Variants in SARDH observed in about 807,000 individuals in gnomAD.
SARDH encodes sarcosine dehydrogenase.
A neutral mutation model predicts 109.1 loss-of-function variants in SARDH; 95 were observed. That is an observed-to-expected ratio of 0.87 (90% CI 0.74 to 1.03). The LOEUF (loss-of-function observed/expected upper bound fraction) is 1.03, where lower values mean the gene tolerates loss of function less well. Among genes scored for constraint, SARDH ranks in the 50% least tolerant of loss-of-function variants. The probability of loss-of-function intolerance (pLI) is 0.00; values close to 1 mark genes in which losing one functional copy is unlikely to be tolerated. For missense variants in SARDH, 1,267 were observed against 1,287.8 expected (o/e 0.98, Z 0.25); for synonymous variants, 572 against 534.8 (o/e 1.07, Z -0.96).
chr9:133,739,091 C>A (rs1832978277), upstream of SARDH, among the ~76,000 whole-genome samples: 1 of 152,168 alleles, frequency 6.6e-6, no homozygotes, highest in Non-Finnish European at 1.5e-5. Flanking sequence ...CAAGTTACCC[C>A]TTCCCAGACA....
intron 20 of SARDH, among the ~76,000 whole-genome samples, chr9:133,665,739 C>T (rs945667665): frequency 1.3e-5 from 2 of 152,202 alleles, no homozygotes; most frequent in Admixed American, 6.5e-5. Context: ...GCGAGCTGGG[C>T]CTGCGCATGT....
chr9:133,735,263 C>T (rs1403469764), intron 1 of SARDH, among the ~76,000 whole-genome samples: 1 of 152,198 alleles, frequency 6.6e-6, no homozygotes, highest in Non-Finnish European at 1.5e-5. Flanking sequence ...GGTGTCCCGG[C>T]TCTGCTCCCT....
chr9:133,726,780 G>T (rs115536347), intron 6 of SARDH, among the ~76,000 whole-genome samples: 4 of 152,048 alleles, frequency 2.6e-5, no homozygotes. Flanking sequence ...CCTGCCCTCC[G>T]TGTTCTCTTC....
intron 11 of SARDH, among the ~76,000 whole-genome samples, chr9:133,707,721 A>C (rs1232893331): frequency 1.3e-5 from 2 of 152,096 alleles, no homozygotes; most frequent in African/African-American, 4.8e-5. Context: ...GAGAGGGGGA[A>C]GGAATGGAGA....
chr9:133,694,500 G>T, intron 14 of SARDH, 129 bp from the exon 15 acceptor site: 1 of 782,154 alleles, frequency 1.3e-6, no homozygotes, highest in Non-Finnish European at 2.2e-6. Context: ...CAGACAGGAT[G>T]CCCTACTGGG....
Position 133,704,190 on chromosome 9 carries a change from C to G in SARDH, c.1554+758G>C, listed in dbSNP as rs2131419778. Among the ~76,000 whole-genome samples, 1 of 152,270 alleles carries G rather than the reference C, an allele frequency of 6.6e-6. No individual in the cohort carries two copies. Among genetic ancestry groups the G allele is most frequent in the African/African-American group, 2.4e-5 (1 of 41,556 alleles). ...CCCGTTAGCCAGCTCTGGCTCTCATCTCCCCTCCCGATGCCCTGGAGCTCT... is the reference window on the plus strand; with the variant it reads ...CCCGTTAGCCAGCTCTGGCTCTCATGTCCCCTCCCGATGCCCTGGAGCTCT... On this transcript the variant is annotated intron_variant, in intron 12 of 20. Coordinates refer to ENST00000439388, the MANE Select transcript of SARDH (RefSeq NM_001134707.2). This position sits in a 1 kb window ranked among gnomAD's most constrained non-coding sequence, Gnocchi z 4.5.
intron 8 of SARDH, among the ~76,000 whole-genome samples, chr9:133,716,297 C>T (rs2427981): frequency 2.6e-5 from 4 of 152,114 alleles, no homozygotes; most frequent in Admixed American, 1.3e-4. Flanking sequence ...CCTCCACCAC[C>T]GACGAAGTGC....
At chr9:133,739,123 G>A (rs546082611), upstream of SARDH, among the ~76,000 whole-genome samples, 10 of 152,266 alleles carry the variant, frequency 6.6e-5, no homozygotes, top group African/African-American at 2.4e-4. Flanking sequence ...CCAGAGGAGG[G>A]GTGTGGAGGA....
At position 133,704,624 on chromosome 9, in the gene SARDH, G is replaced by T. The variant is rs1831618165; in HGVS notation, c.1554+324C>A. ...TCCATTCCTCCTGCAACCTGGGGGA[G>T]TCTTCTTGCTGTCTCCCCACCGCAG... is the stretch of plus-strand genomic sequence containing the variant. On this transcript the variant is annotated intron_variant, in intron 12 of 20. Transcript: ENST00000439388. This position sits in a 1 kb window ranked among gnomAD's most constrained non-coding sequence, Gnocchi z 4.5. Among the ~76,000 whole-genome samples the T allele has an allele frequency of 6.6e-6, 1 of 152,178 alleles. No homozygotes were observed. Among genetic ancestry groups the T allele is most frequent in the African/African-American group, 2.4e-5 (1 of 41,430 alleles).
chr9:133,698,753 C>A (rs565827503), intron 13 of SARDH, among the ~76,000 whole-genome samples: 5 of 152,068 alleles, frequency 3.3e-5, no homozygotes, highest in Admixed American at 6.5e-5. Flanking sequence ...CCCGACCTCA[C>A]GCCATGCAAA....
In SARDH at chr9:133,663,886, C is replaced by A. The variant is rs908279474; in HGVS notation, c.*3G>T. ...CATGGGATGGGGCATGTGGTCTGAG[C>A]CCTCAGTAGATTCCCTTCACCCTCT... is the stretch of plus-strand genomic sequence containing the variant. On this transcript the variant is annotated 3_prime_UTR_variant, in exon 21 of 21. Transcript: ENST00000439388. The A allele has an allele frequency of 1.2e-6, 2 of 1,613,972 alleles. No homozygotes were observed. Among genetic ancestry groups the A allele is most frequent in the Non-Finnish European group, 1.7e-6 (2 of 1,179,904 alleles).
At chr9:133,708,712 C>G (rs1442032590) in intron 10 of SARDH, among the ~76,000 whole-genome samples, 1 of 151,976 alleles carries the variant, frequency 6.6e-6, no homozygotes. Flanking sequence ...TCCAGCCTCG[C>G]TCTCCACACA....
At chr9:133,705,052 G>T (rs1481650071) in intron 11 of SARDH, 21 bp from the exon 12 acceptor site, 1 of 1,575,174 alleles carries the variant, frequency 6.3e-7, no homozygotes, top group East Asian at 2.3e-5. Context: ...GTGGGGAACA[G>T]GCATCTGTCA....
intron 8 of SARDH, among the ~76,000 whole-genome samples, chr9:133,714,328 G>A (rs1004979033): frequency 3.3e-5 from 5 of 152,204 alleles, no homozygotes; most frequent in African/African-American, 4.8e-5. Context: ...AGGGGCAGAA[G>A]GTGGCAGGGC....
In SARDH at chr9:133,712,743, C is replaced by G; in HGVS notation, c.1238-34G>C. 1 of 1,586,186 alleles carries G rather than the reference C, an allele frequency of 6.3e-7. No individual in the cohort carries two copies. Among genetic ancestry groups the G allele is most frequent in the Non-Finnish European group, 8.6e-7 (1 of 1,165,666 alleles). ...AAGAGAAGCGCAGGGCTGCGGTCTG[C>G]CCCCCAGGGTCCCCCACCCATGTCC... On this transcript the variant is annotated intron_variant, in intron 9 of 20. Coordinates refer to ENST00000439388, the MANE Select transcript of SARDH (RefSeq NM_001134707.2). The surrounding 1 kb of genome is among the most constrained non-coding windows in gnomAD (Gnocchi z 4.1).
At position 133,735,443 on chromosome 9, in the gene SARDH, C is replaced by T. The variant is rs60734798; in HGVS notation, c.-30-1240G>A. Among the ~76,000 whole-genome samples, 1,167 of 152,342 alleles carry T rather than the reference C, an allele frequency of 7.7e-3. 20 individuals are homozygous for T. The highest frequency in any genetic ancestry group is 0.026 in the African/African-American group (1,101 of 41,584). On this transcript the variant is annotated intron_variant, in intron 1 of 20. Transcript: ENST00000439388. ...AACAATGAGAATGCAAGAGGGAGCC[C>T]TCCTTCTCAGGAGAGAAGGCGCTGA... is the stretch of plus-strand genomic sequence containing the variant.
At chr9:133,721,212 G>A (rs1832314638) in intron 6 of SARDH, among the ~76,000 whole-genome samples, 1 of 152,214 alleles carries the variant, frequency 6.6e-6, no homozygotes, top group African/African-American at 2.4e-5. Flanking sequence ...ACAGAGGCCT[G>A]CACCAAGGCC....
chr9:133,708,416 G>A lies in SARDH; in HGVS notation c.1341C>T (p.His447=). The change falls in exon 11 of 21, where the codon CAC becomes CAT. Residue 447 remains histidine (H), a synonymous_variant. Transcript: ENST00000439388. ...TCCAGCGGGGGTGGTCCGTGAGCGA[G>A]TGATGGAAGCGCCTGCCGCAGACAG... ...MHGYDIRRFH[H]SLTDHPRWIR... 1 of 1,610,558 alleles carries A rather than the reference G, an allele frequency of 6.2e-7. No homozygotes were observed. Among genetic ancestry groups the A allele is most frequent in the Non-Finnish European group, 8.5e-7 (1 of 1,178,878 alleles).
At chr9:133,726,394 A>ATAATAATAATAATAGTAGTAG (rs59172198) in intron 6 of SARDH, among the ~76,000 whole-genome samples, 4 of 132,338 alleles carry the variant, frequency 3.0e-5, no homozygotes, top group Non-Finnish European at 4.8e-5. Context: ...AATAATAATA[A>ATAATAATAATAATAGTAGTAG]TAGTAGTAGT....
Sources: gnomAD v4.1 joint callset for allele counts (sites outside exome capture counted in the v4.1 genomes callset) on GRCh38, gnomAD v4.1.1 for gene constraint, Gnocchi (gnomAD v3.1) non-coding constraint, MANE v1.5 for transcripts, NCBI Gene and HGNC (gene_info 2026-07-23, HGNC 2026-07-21) for gene names.